CTNNA2: variants seen among roughly 807,000 people sequenced by gnomAD.
CTNNA2 encodes the protein catenin alpha 2, also known as catenin alpha-2.
Under a neutral mutation model 101.0 loss-of-function variants are expected in CTNNA2, and 42 were observed. The ratio of observed to expected loss-of-function variants is 0.42; its 90% CI spans 0.32 to 0.54. CTNNA2 has a LOEUF of 0.54. CTNNA2 is among the 20% of genes least tolerant of loss of function. The pLI is 0.14. For synonymous variants in CTNNA2, 450 were observed against 456.4 expected (o/e 0.99, Z 0.18); for missense variants, 871 against 1,223.1 (o/e 0.71, Z 4.29).
In CTNNA2 at chr2:80,331,862, C is replaced by T. The variant is rs181508363; in HGVS notation, c.1057-61349C>T. On this transcript the variant is annotated intron_variant, in intron 7 of 18. Coordinates refer to ENST00000402739, the MANE Select transcript of CTNNA2 (RefSeq NM_001282597.3). ...GATTGTCATAACTTACACCTTGTCT[C>T]GATCTGGGAAAAAATAATAAAATGA... Among the ~76,000 whole-genome samples the T allele has an allele frequency of 4.5e-4, 69 of 152,146 alleles. 2 individuals carry two copies. The highest frequency in any genetic ancestry group is 1.4e-3 in the African/African-American group (59 of 41,518).
chr2:80,289,400 A>G (rs1039862044), intron 7 of CTNNA2, among the ~76,000 whole-genome samples: 1 of 152,086 alleles, frequency 6.6e-6, no homozygotes, highest in Non-Finnish European at 1.5e-5. Context: ...TCTCTACCCC[A>G]GTTCTCGCCT....
chr2:79,852,310 C>T (rs1041810493), intron 3 of CTNNA2, among the ~76,000 whole-genome samples: 1 of 152,088 alleles, frequency 6.6e-6, no homozygotes, highest in Non-Finnish European at 1.5e-5. Context: ...TTTTAGTTCT[C>T]TTAAGGAGCA....
chr2:79,364,981 A>G (rs1195634960), intron 3 of CTNNA2, among the ~76,000 whole-genome samples: 1 of 152,196 alleles, frequency 6.6e-6, no homozygotes, highest in Non-Finnish European at 1.5e-5. Flanking sequence ...TGGTATGTGT[A>G]AAATATTTGA....
At chr2:79,366,143 G>A (rs751724900) in intron 3 of CTNNA2, among the ~76,000 whole-genome samples, 40 of 152,196 alleles carry the variant, frequency 2.6e-4, no homozygotes, top group Non-Finnish European at 4.4e-4. Flanking sequence ...TGTGTGTCAC[G>A]TGCAGGGCTA....
intron 7 of CTNNA2, among the ~76,000 whole-genome samples, chr2:79,924,999 ACAGTCG>A (rs1686929617): frequency 6.6e-6 from 1 of 152,070 alleles, no homozygotes. Flanking sequence ...GTGGCTGATA[ACAGTCG>A]CACAAGTGAT....
intron 3 of CTNNA2, among the ~76,000 whole-genome samples, chr2:79,801,533 T>G (rs1458052645): frequency 2.0e-5 from 3 of 152,188 alleles, no homozygotes; most frequent in African/African-American, 7.2e-5. Context: ...CAGATGATGT[T>G]GAGATGCATT....
chr2:80,589,337 G>A lies in CTNNA2; in HGVS notation c.2041G>A (p.Ala681Thr), dbSNP rs1696242121. Reference sequence around the variant, plus strand: ...GGCGCAACTACCGCAGGAGGAGAAGGCAAAAATAGCTGAGCAGGTGGAGAT... The same window carrying A: ...GGCGCAACTACCGCAGGAGGAGAAGACAAAAATAGCTGAGCAGGTGGAGAT... The part of the protein sequence containing the change: ...IMAQLPQEEK[A>T]KIAEQVEIFH... Residue 681 changes from alanine (A) to threonine (T), a missense_variant, in exon 15 of 19, where the codon GCA (alanine) becomes ACA (threonine). Ala to Thr is a moderately conservative substitution (Grantham distance 58). Around this residue, in one of 5 missense-constraint regions of CTNNA2, gnomAD observed 93 missense variants for 223.7 expected, o/e 0.42. Transcript: ENST00000402739. The A allele has an allele frequency of 1.2e-6, 2 of 1,613,934 alleles. No homozygotes were observed. Among genetic ancestry groups the A allele is most frequent in the African/African-American group, 1.3e-5 (1 of 74,898 alleles).
At chr2:79,771,238 A>G (rs1673550931) in intron 3 of CTNNA2, among the ~76,000 whole-genome samples, 1 of 152,210 alleles carries the variant, frequency 6.6e-6, no homozygotes, top group Non-Finnish European at 1.5e-5. Flanking sequence ...ATCAGAATTC[A>G]TTAAGCTGAT....
chr2:80,193,561 A>T (rs924390803), intron 7 of CTNNA2, among the ~76,000 whole-genome samples: 3 of 152,178 alleles, frequency 2.0e-5, no homozygotes, highest in African/African-American at 7.2e-5. Context: ...AAGAAAAGAG[A>T]TGGGATTCAT....
intron 7 of CTNNA2, among the ~76,000 whole-genome samples, chr2:80,337,693 G>T (rs1013451243): frequency 6.6e-6 from 1 of 152,244 alleles, no homozygotes; most frequent in South Asian, 2.1e-4. Context: ...AACTGTGGGT[G>T]ACTAGTGGTT....
intron 7 of CTNNA2, among the ~76,000 whole-genome samples, chr2:80,181,410 A>C (rs1029718670): frequency 7.2e-5 from 11 of 152,202 alleles, no homozygotes; most frequent in Non-Finnish European, 1.3e-4. Flanking sequence ...GTCCTCCCAC[A>C]CATCCCCATT....
rs111897882 is a variant in CTNNA2 at position 79,780,483 on chromosome 2, C to T, written c.298+35901C>T. Among the ~76,000 whole-genome samples, 92 of 152,242 alleles carry T rather than the reference C, an allele frequency of 6.0e-4. 2 individuals carry two copies. The highest frequency in any genetic ancestry group is 2.9e-3 in the Admixed American group (45 of 15,288). On this transcript the variant is annotated intron_variant, in intron 3 of 18. Transcript: ENST00000402739. Reference sequence around the variant, plus strand: ...AGGCTTTTGTCTGGGGAATACAGACCCCTCTGAGATTCTGAGGAAAAGGAA... The same window carrying T: ...AGGCTTTTGTCTGGGGAATACAGACTCCTCTGAGATTCTGAGGAAAAGGAA...
chr2:79,981,983 G>A (rs906904347), intron 7 of CTNNA2, among the ~76,000 whole-genome samples: 4 of 151,538 alleles, frequency 2.6e-5, no homozygotes, highest in African/African-American at 9.7e-5. Context: ...AAAGATTGTT[G>A]TAAGGATTAT....
At chr2:79,982,067 C>G (rs1463408029) in intron 7 of CTNNA2, among the ~76,000 whole-genome samples, 1 of 150,078 alleles carries the variant, frequency 6.7e-6, no homozygotes, top group Non-Finnish European at 1.5e-5. Context: ...GAGACAGGGT[C>G]TTGCTCTGTT....
Position 80,302,247 on chromosome 2 carries a change from A to G in CTNNA2, c.1057-90964A>G, listed in dbSNP as rs200230146. The G allele has an allele frequency of 5.0e-5, 81 of 1,611,130 alleles. No homozygotes were observed. In the African/African-American group the frequency reaches 9.3e-4, roughly 19 times the overall value. ...AGCGCATGGGTTGAGAGCCACTGGG[A>G]CAATCACACCTCGCATTCCCTCGCG... On this transcript the variant is annotated intron_variant, in intron 7 of 18. Transcript: ENST00000402739. This position sits in a 1 kb window ranked among gnomAD's most constrained non-coding sequence, Gnocchi z 6.4.
chr2:80,304,969 C>A, intron 7 of CTNNA2: 1 of 698,780 alleles, frequency 1.4e-6, no homozygotes, highest in Non-Finnish European at 1.7e-6. Context: ...TAGCATCATC[C>A]ACGACAAGAT....
chr2:80,286,137 A>G (rs1049982677), intron 7 of CTNNA2, among the ~76,000 whole-genome samples: 1 of 152,116 alleles, frequency 6.6e-6, no homozygotes, highest in Non-Finnish European at 1.5e-5. Flanking sequence ...GGTCCCTTGA[A>G]TGCAGGCAGA....
intron 15 of CTNNA2, among the ~76,000 whole-genome samples, chr2:80,598,316 A>AG (rs1224705186): frequency 6.6e-6 from 1 of 152,134 alleles, no homozygotes. Context: ...TTGGGGAGCA[A>AG]GGGAAGGAAG....
At chr2:80,117,177 C>A (rs1190651204) in intron 7 of CTNNA2, among the ~76,000 whole-genome samples, 1 of 151,950 alleles carries the variant, frequency 6.6e-6, no homozygotes, top group Non-Finnish European at 1.5e-5. Context: ...TTATGTTGGA[C>A]CTTTAGGCAA....
Sources: allele counts gnomAD v4.1 joint callset (sites outside exome capture counted in the v4.1 genomes callset), GRCh38; gene constraint gnomAD v4.1.1; regional missense constraint gnomAD v4.1.1; non-coding constraint Gnocchi (gnomAD v3.1); transcripts MANE v1.5; gene names NCBI Gene and HGNC (gene_info 2026-07-23, HGNC 2026-07-21).